SLC39A11: variants seen among roughly 807,000 people sequenced by gnomAD.
SLC39A11 encodes solute carrier family 39 member 11.
Under a neutral mutation model 36.1 loss-of-function variants are expected in SLC39A11, and 33 were observed. The observed-to-expected ratio is 0.91, with a 90% confidence interval of 0.69 to 1.22. The LOEUF (loss-of-function observed/expected upper bound fraction) is 1.22. Among genes scored for constraint, SLC39A11 ranks in the 50% most tolerant of loss-of-function variants. The pLI is 0.00. For synonymous variants in SLC39A11, 166 were observed against 170.3 expected (o/e 0.97, Z 0.20); for missense variants, 432 against 430.3 (o/e 1.00, Z -0.03).
At chr17:72,962,871 G>C (rs1473714674) in intron 4 of SLC39A11, among the ~76,000 whole-genome samples, 4 of 152,060 alleles carry the variant, frequency 2.6e-5, no homozygotes, top group Non-Finnish European at 4.4e-5. Context: ...CTGCCTCTAC[G>C]GGGAGTCAGC....
chr17:72,788,867 C>T (rs975358757), intron 6 of SLC39A11, among the ~76,000 whole-genome samples: 9 of 152,206 alleles, frequency 5.9e-5, no homozygotes, highest in African/African-American at 2.2e-4. Context: ...AGGTGACTGT[C>T]AGAAACCATG....
intron 4 of SLC39A11, among the ~76,000 whole-genome samples, chr17:72,995,796 C>A (rs1417886681): frequency 1.3e-5 from 2 of 152,156 alleles, no homozygotes; most frequent in African/African-American, 4.8e-5. Context: ...TTCTCCAGCT[C>A]ACAGACAACA....
intron 4 of SLC39A11, among the ~76,000 whole-genome samples, chr17:73,014,536 T>C (rs1422899802): frequency 3.9e-5 from 6 of 152,164 alleles, no homozygotes; most frequent in African/African-American, 7.2e-5. Context: ...ACATGAGCTG[T>C]ATCCCAGCTA....
At chr17:73,000,118 C>T (rs1440540656) in intron 4 of SLC39A11, among the ~76,000 whole-genome samples, 1 of 152,158 alleles carries the variant, frequency 6.6e-6, no homozygotes, top group East Asian at 1.9e-4. Flanking sequence ...AAGACCTCTT[C>T]CCATAACAGG....
At chr17:72,907,149 T>C (rs939905562) in intron 5 of SLC39A11, among the ~76,000 whole-genome samples, 2 of 152,182 alleles carry the variant, frequency 1.3e-5, no homozygotes, top group Admixed American at 6.5e-5. Flanking sequence ...CCTGCTCATA[T>C]CTCTTCCTGT....
rs1370177697 is a variant in SLC39A11, at chr17:73,020,914, C to T, written c.306+10642G>A. Among the ~76,000 whole-genome samples the T allele has an allele frequency of 3.3e-5, 5 of 152,222 alleles. No homozygotes were observed. The East Asian group carries it at 9.7e-4, about 29-fold the overall frequency. ...GCCAGTCTGGTCTCGAACTCCTGACCTTGTGATCTACCTGCCTTGGCTTCC... is the reference window on the plus strand; with the variant it reads ...GCCAGTCTGGTCTCGAACTCCTGACTTTGTGATCTACCTGCCTTGGCTTCC... On this transcript the variant is annotated intron_variant, in intron 4 of 9. Transcript: ENST00000255559.
In SLC39A11 at chr17:72,906,234, G is replaced by A. The variant is rs1330374418; in HGVS notation, c.430+41518C>T. 2.0e-5 allele frequency among the ~76,000 whole-genome samples: 3 copies of A among 152,378 alleles called. No homozygotes were observed. In the East Asian group the frequency reaches 5.8e-4, roughly 29 times the overall value. Reference sequence around the variant, plus strand: ...GAAAGCAGATGAGAAACTGGCTGCGGCCAGGTGACCAGACCCCATTCAGGA... The same window carrying A: ...GAAAGCAGATGAGAAACTGGCTGCGACCAGGTGACCAGACCCCATTCAGGA... On this transcript the variant is annotated intron_variant, in intron 5 of 9. Transcript: ENST00000255559.
intron 3 of SLC39A11, among the ~76,000 whole-genome samples, chr17:73,039,659 T>C (rs1179886870): frequency 1.3e-5 from 2 of 152,164 alleles, no homozygotes; most frequent in African/African-American, 2.4e-5. Flanking sequence ...TTCACAAACA[T>C]GGGGTGAGTA....
At chr17:72,947,971 C>T (rs1293841721) in intron 4 of SLC39A11, 96 bp from the exon 5 acceptor site, 1 of 1,492,398 alleles carries the variant, frequency 6.7e-7, no homozygotes, top group African/African-American at 1.4e-5. Flanking sequence ...TTGCCAGTCT[C>T]TACCAAGACC....
In SLC39A11 at chr17:72,647,658, T is replaced by C. The variant is rs778423828; in HGVS notation, c.934A>G (p.Asn312Asp). 3.7e-6 allele frequency: 6 copies of C among 1,613,710 alleles called. No homozygotes were observed. The Admixed American group carries it at 6.7e-5, about 18-fold the overall frequency. The change falls in exon 10 of 10, where the codon AAT becomes GAT. Residue 312 changes from asparagine to aspartate, a missense_variant. By Grantham distance (23) the Asn-to-Asp change is conservative. Transcript: ENST00000255559. ...GAGGCCCAGGATGCCAGTTTCCCATTACCACTGGAAGAGAAGGACAGGAAG... is the reference window on the plus strand; with the variant it reads ...GAGGCCCAGGATGCCAGTTTCCCATCACCACTGGAAGAGAAGGACAGGAAG... ...DIIPEAQISG[N>D]GKLASWASIL...
intron 7 of SLC39A11, among the ~76,000 whole-genome samples, chr17:72,712,307 C>G (rs889320954): frequency 6.6e-6 from 1 of 152,226 alleles, no homozygotes. Flanking sequence ...TTGAGCTAGC[C>G]TGCCGGGGGA....
intron 6 of SLC39A11, among the ~76,000 whole-genome samples, chr17:72,815,344 G>A (rs561253961): frequency 6.6e-6 from 1 of 152,260 alleles, no homozygotes; most frequent in Non-Finnish European, 1.5e-5. Context: ...GAGAGGCTGG[G>A]CGTGGTGGCT....
chr17:72,869,333 T>C (rs999884029), intron 5 of SLC39A11, among the ~76,000 whole-genome samples: 7 of 152,232 alleles, frequency 4.6e-5, no homozygotes, highest in African/African-American at 1.7e-4. Context: ...CATGGTCTCC[T>C]TCCCCAGAGA....
chr17:72,647,770 C>A (rs2069628432), intron 9 of SLC39A11, 108 bp from the exon 10 acceptor site: 2 of 807,566 alleles, frequency 2.5e-6, no homozygotes, highest in East Asian at 2.8e-5. Flanking sequence ...AGCACACTAC[C>A]ATTAATAATG....
chr17:72,852,205 A>AAT (rs2079376725), intron 5 of SLC39A11, among the ~76,000 whole-genome samples: 2 of 28,432 alleles, frequency 7.0e-5, no homozygotes, highest in Admixed American at 4.1e-4. Flanking sequence ...ACTCCGTCTC[A>AAT]AAAAAAAAAA....
intron 4 of SLC39A11, among the ~76,000 whole-genome samples, chr17:72,968,025 C>T (rs2087145791): frequency 6.6e-6 from 1 of 152,156 alleles, no homozygotes; most frequent in Non-Finnish European, 1.5e-5. Flanking sequence ...CTCCTGACAG[C>T]ATCAGCCCCC....
intron 5 of SLC39A11, among the ~76,000 whole-genome samples, chr17:72,945,043 A>AGATGGATGGATGGATGGATG (rs139488879): frequency 0.037 from 5,595 of 151,036 alleles, 309 homozygotes; most frequent in African/African-American, 0.12. Context: ...AGCTAATTGG[A>AGATGGATGGATGGATGGATG]GATGGATGGA....
intron 4 of SLC39A11, among the ~76,000 whole-genome samples, chr17:73,022,595 TAAAAAAAAAA>T (rs10675859): frequency 1.6e-4 from 9 of 56,764 alleles, no homozygotes; most frequent in Non-Finnish European, 2.0e-4. Context: ...AACTCCATCT[TAAAAAAAAAA>T]AAAAAAAAAA....
At chr17:72,839,980 G>A (rs551547907) in intron 6 of SLC39A11, among the ~76,000 whole-genome samples, 4 of 152,226 alleles carry the variant, frequency 2.6e-5, no homozygotes, top group South Asian at 2.1e-4. Flanking sequence ...TTATCTGATC[G>A]CAAGTCATAA....
Sources: allele counts gnomAD v4.1 joint callset (sites outside exome capture counted in the v4.1 genomes callset), GRCh38; gene constraint gnomAD v4.1.1; transcripts MANE v1.5; gene names NCBI Gene and HGNC (gene_info 2026-07-23, HGNC 2026-07-21).